Variants in IL1RAP observed in about 807,000 individuals in gnomAD.
IL1RAP encodes the protein interleukin-1 receptor accessory protein.
A neutral mutation model predicts 60.7 loss-of-function variants in IL1RAP; 35 were observed. The observed-to-expected ratio is 0.58, with a 90% CI of 0.44 to 0.76. The LOEUF (loss-of-function observed/expected upper bound fraction) is 0.76. Ranked by LOEUF, IL1RAP falls within the 30% of genes least tolerant of loss-of-function variation. The probability of loss-of-function intolerance (pLI) is 0.00; values close to 1 mark genes in which losing one functional copy is unlikely to be tolerated. For missense variants in IL1RAP, 572 were observed against 693.9 expected, an observed-to-expected ratio of 0.82 and a Z score of 1.97; for synonymous variants, 268 against 250.9, an observed-to-expected ratio of 1.07 and a Z score of -0.64.
At chr3:190,627,486 G>A (rs753747789) in intron 8 of IL1RAP, 37 bp downstream of exon 8, 4 of 1,590,134 alleles carry the variant, frequency 2.5e-6, no homozygotes, top group Non-Finnish European at 3.4e-6. Context: ...ATTAACCTTT[G>A]TTTCTCAACT....
At chr3:190,544,082 C>T (rs1186803229) in intron 1 of IL1RAP, among the ~76,000 whole-genome samples, 1 of 152,180 alleles carries the variant, frequency 6.6e-6, no homozygotes, top group Non-Finnish European at 1.5e-5. Flanking sequence ...CTAATACATA[C>T]ATGCATTTTC....
intron 3 of IL1RAP, among the ~76,000 whole-genome samples, chr3:190,594,422 T>C (rs1211150779): frequency 6.6e-6 from 1 of 152,216 alleles, no homozygotes; most frequent in Non-Finnish European, 1.5e-5. Context: ...TTACCGTTCA[T>C]TATGTAGCGC....
At chr3:190,646,762 C>G (rs1268066240) in intron 11 of IL1RAP, among the ~76,000 whole-genome samples, 1 of 152,042 alleles carries the variant, frequency 6.6e-6, no homozygotes, top group East Asian at 1.9e-4. Flanking sequence ...TTAAATATTG[C>G]ATGGATAATT....
In IL1RAP at chr3:190,558,540, A is replaced by G. The variant is rs141664816; in HGVS notation, c.-2+2324A>G. ...ATTTGCATTTCCCTGATGGCTAATG[A>G]CATTGAATGACTCTTCATGTGTTTA... On this transcript the variant is annotated intron_variant, in intron 2 of 11. Transcript: ENST00000447382. Among the ~76,000 whole-genome samples the G allele has an allele frequency of 7.4e-3, 1,120 of 152,328 alleles. 4 individuals are homozygous for G. The highest frequency in any genetic ancestry group is 0.024 in the African/African-American group (985 of 41,566).
intron 9 of IL1RAP, among the ~76,000 whole-genome samples, chr3:190,634,561 G>T (rs1198744855): frequency 6.6e-6 from 1 of 151,990 alleles, no homozygotes; most frequent in African/African-American, 2.4e-5. Context: ...TTCTTGTAAT[G>T]CTGTGACTAA....
intron 3 of IL1RAP, among the ~76,000 whole-genome samples, chr3:190,585,813 A>G (rs964287024): frequency 9.9e-5 from 15 of 151,348 alleles, no homozygotes; most frequent in African/African-American, 3.6e-4. Context: ...CTCCAACTCC[A>G]AAAAAAAAGA....
At chr3:190,616,603 T>C (rs1006663217) in intron 5 of IL1RAP, among the ~76,000 whole-genome samples, 2 of 152,234 alleles carry the variant, frequency 1.3e-5, no homozygotes, top group African/African-American at 4.8e-5. Flanking sequence ...CAACTTTATC[T>C]TGAATGCAAA....
At chr3:190,634,250 C>T (rs1222755330) in intron 9 of IL1RAP, among the ~76,000 whole-genome samples, 7 of 150,490 alleles carry the variant, frequency 4.7e-5, no homozygotes, top group Non-Finnish European at 1.0e-4. Flanking sequence ...ATTTGATTTA[C>T]TAATATTTTG....
chr3:190,644,443 A>G (rs994351741), intron 10 of IL1RAP, 46 bp downstream of exon 10: 2 of 1,386,166 alleles, frequency 1.4e-6, no homozygotes, highest in Non-Finnish European at 2.0e-6. Flanking sequence ...TGTCATCTTT[A>G]GAACATATGT....
At chr3:190,523,217 T>C (rs1196510074) in intron 1 of IL1RAP, among the ~76,000 whole-genome samples, 1 of 152,136 alleles carries the variant, frequency 6.6e-6, no homozygotes, top group Non-Finnish European at 1.5e-5. Flanking sequence ...TGAATTTGCA[T>C]GGGTTGGGGT....
chr3:190,659,438 C>T (rs1269134019), exon 12 of IL1RAP: 1 of 152,066 alleles, frequency 6.6e-6, no homozygotes, highest in African/African-American at 2.4e-5. Flanking sequence ...GAGAAAGGAT[C>T]AGAGGTTATA....
At chr3:190,552,834 A>G (rs942201083) in intron 1 of IL1RAP, among the ~76,000 whole-genome samples, 2 of 152,252 alleles carry the variant, frequency 1.3e-5, no homozygotes, top group Non-Finnish European at 2.9e-5. Context: ...TTCCAGAAAA[A>G]CAAGGTCCAA....
At chr3:190,533,647 C>T (rs1229417672) in intron 1 of IL1RAP, among the ~76,000 whole-genome samples, 1 of 152,180 alleles carries the variant, frequency 6.6e-6, no homozygotes, top group Non-Finnish European at 1.5e-5. Context: ...GCCCTCTTAC[C>T]AGCCCAGTCG....
chr3:190,573,358 T>C (rs1264313960), intron 3 of IL1RAP, among the ~76,000 whole-genome samples: 1 of 152,220 alleles, frequency 6.6e-6, no homozygotes, highest in African/African-American at 2.4e-5. Context: ...TGAAATGTTT[T>C]TGCTAGTAGC....
chr3:190,609,165 C>T lies in IL1RAP; in HGVS notation c.521C>T (p.Thr174Ile), dbSNP rs747727068. 6.8e-6 allele frequency: 11 copies of T among 1,609,732 alleles called. No homozygotes were observed. The African/African-American group carries it at 8.0e-5, about 12-fold the overall frequency. ...DGYFPSSVKP[T>I]ITWYMGCYKI... ...TATTTTCCTTCCAGTGTCAAACCGA[C>T]TATCACTTGGTATATGGTAAGGAAA... The change falls in exon 5 of 12, where the codon ACT becomes ATT. Residue 174 changes from threonine (T) to isoleucine (I), a missense_variant. By Grantham distance (89) the Thr-to-Ile change is moderately conservative. Coordinates refer to ENST00000447382, the MANE Select transcript of IL1RAP (RefSeq NM_002182.4).
intron 1 of IL1RAP, among the ~76,000 whole-genome samples, chr3:190,528,460 A>T (rs1480801884): frequency 6.6e-6 from 1 of 152,254 alleles, no homozygotes; most frequent in Non-Finnish European, 1.5e-5. Context: ...AACAGTCTTC[A>T]TATAAGGTGA....
intron 10 of IL1RAP, among the ~76,000 whole-genome samples, chr3:190,644,927 A>G (rs1011411079): frequency 1.3e-5 from 2 of 152,016 alleles, no homozygotes; most frequent in Non-Finnish European, 2.9e-5. Context: ...GCTGATCCAC[A>G]CTCCTTGTAC....
intron 3 of IL1RAP, among the ~76,000 whole-genome samples, 174 bp from the exon 4 acceptor site, chr3:190,603,954 G>GT (rs1408346599): frequency 6.6e-6 from 1 of 152,144 alleles, no homozygotes; most frequent in African/African-American, 2.4e-5. Context: ...GGGAACAGCA[G>GT]TTTCTTCACA....
At chr3:190,639,577 AC>A (rs1272972354) in intron 9 of IL1RAP, among the ~76,000 whole-genome samples, 2 of 152,192 alleles carry the variant, frequency 1.3e-5, no homozygotes, top group African/African-American at 4.8e-5. Flanking sequence ...TGATAATTCC[AC>A]CACTTTTGTC....
Sources: allele counts gnomAD v4.1 joint callset (sites outside exome capture counted in the v4.1 genomes callset), GRCh38; gene constraint gnomAD v4.1.1; transcripts MANE v1.5; gene names NCBI Gene and HGNC (gene_info 2026-07-23, HGNC 2026-07-21).